SVIL: variants seen among roughly 807,000 people sequenced by gnomAD.
SVIL encodes the protein supervillin.
In SVIL, 101 loss-of-function variants were observed where a neutral mutation model predicts 240.4. The ratio of observed to expected loss-of-function variants is 0.42; its 90% CI spans 0.36 to 0.50. SVIL has a LOEUF of 0.50. SVIL is among the 20% of genes least tolerant of loss of function. The pLI, the probability that SVIL is intolerant of heterozygous loss-of-function variation, is 0.01. For synonymous variants in SVIL, 999 were observed against 1,100.0 expected (o/e 0.91, Z 1.82); for missense variants, 2,512 against 2,818.7 (o/e 0.89, Z 2.46).
At chr10:29,534,250 C>T (rs1951586318) in intron 7 of SVIL, among the ~76,000 whole-genome samples, 3 of 152,216 alleles carry the variant, frequency 2.0e-5, no homozygotes, top group African/African-American at 7.2e-5. Context: ...TGCCTGTGAT[C>T]ACAACCTTTT....
At chr10:29,542,373 C>T (rs1952237882) in intron 6 of SVIL, among the ~76,000 whole-genome samples, 1 of 152,172 alleles carries the variant, frequency 6.6e-6, no homozygotes, top group Admixed American at 6.5e-5. Context: ...TAAAGTAATG[C>T]TATCGCTGCA....
chr10:29,586,306 CAAAT>C (rs1003912302), intron 1 of SVIL, among the ~76,000 whole-genome samples: 1 of 152,080 alleles, frequency 6.6e-6, no homozygotes, highest in African/African-American at 2.4e-5. Flanking sequence ...TTTTAATTGA[CAAAT>C]AATAAATGTA....
At chr10:29,462,201 C>T (rs1944338457) in intron 36 of SVIL, 76 bp downstream of exon 36, 2 of 1,509,068 alleles carry the variant, frequency 1.3e-6, no homozygotes, top group Non-Finnish European at 1.8e-6. Flanking sequence ...CAATTGGATG[C>T]TCTCCCCAAA....
chr10:29,478,924 CAAAAAAAA>C lies in SVIL; in HGVS notation c.5377+1605_5377+1612del, dbSNP rs71020791. ...TGGAAGACAGAGTGAAACCCTGTCT[CAAAAAAAA>C]AAAAAAAAAAAAAAAAAAGAACAAA... On this transcript the variant is annotated intron_variant, in intron 29 of 37. Coordinates refer to ENST00000355867, the MANE Select transcript of SVIL (RefSeq NM_021738.3). Among the ~76,000 whole-genome samples, 354 of 63,046 alleles carry C rather than the reference CAAAAAAAA, an allele frequency of 5.6e-3. 1 individual carries two copies. The highest frequency in any genetic ancestry group is 9.3e-3 in the Middle Eastern group (1 of 108). The allele number at this position is 63,046 out of a possible 152,430, so 41.4% of individuals were successfully genotyped here.
intron 3 of SVIL, among the ~76,000 whole-genome samples, chr10:29,646,271 A>C (rs757188094): frequency 1.1e-4 from 16 of 152,144 alleles, no homozygotes; most frequent in Non-Finnish European, 1.5e-5. Flanking sequence ...GCTGTTCCAC[A>C]TGCCTGAATT....
chr10:29,702,725 G>T (rs1962614678), intron 1 of SVIL, among the ~76,000 whole-genome samples: 1 of 152,158 alleles, frequency 6.6e-6, no homozygotes, highest in African/African-American at 2.4e-5. Context: ...TGATGACTTT[G>T]AATTATCTGT....
At chr10:29,713,996 T>C (rs1343533622) in intron 1 of SVIL, among the ~76,000 whole-genome samples, 3 of 152,184 alleles carry the variant, frequency 2.0e-5, no homozygotes, top group Non-Finnish European at 4.4e-5. Context: ...AAGCACCCAA[T>C]CAATGATATC....
intron 1 of SVIL, among the ~76,000 whole-genome samples, chr10:29,600,478 A>G (rs1158378194): frequency 6.6e-6 from 1 of 152,148 alleles, no homozygotes; most frequent in Non-Finnish European, 1.5e-5. Context: ...CAGGTGAATC[A>G]GCGTGCAGCC....
chr10:29,732,020 C>T (rs566344149), intron 1 of SVIL, among the ~76,000 whole-genome samples: 6 of 152,240 alleles, frequency 3.9e-5, no homozygotes, highest in African/African-American at 1.4e-4. Context: ...GCAGCGGCTT[C>T]TTTCTTTCCA....
At chr10:29,606,849 T>TGTTCAAGCAGTTCTCCTGC (rs1490815993) in intron 1 of SVIL, among the ~76,000 whole-genome samples, 2 of 152,150 alleles carry the variant, frequency 1.3e-5, no homozygotes, top group South Asian at 4.2e-4. Flanking sequence ...CTGCCTCCTG[T>TGTTCAAGCAGTTCTCCTGC]GTTCAAGCAG....
chr10:29,597,178 G>C (rs1956626234), intron 1 of SVIL, among the ~76,000 whole-genome samples: 1 of 152,180 alleles, frequency 6.6e-6, no homozygotes, highest in African/African-American at 2.4e-5. Flanking sequence ...CGCGTTAAGA[G>C]ACAAAATGGC....
intron 1 of SVIL, among the ~76,000 whole-genome samples, chr10:29,699,767 A>G (rs1190198996): frequency 6.6e-6 from 1 of 152,236 alleles, no homozygotes; most frequent in Non-Finnish European, 1.5e-5. Context: ...TCTCCAGCCA[A>G]GAGTGTGGAA....
intron 34 of SVIL, 82 bp from the exon 35 acceptor site, chr10:29,463,717 T>A: frequency 6.5e-7 from 1 of 1,546,398 alleles, no homozygotes; most frequent in South Asian, 1.2e-5. Flanking sequence ...ACCTAGTGGA[T>A]GTTGTCCCTC....
intron 1 of SVIL, among the ~76,000 whole-genome samples, chr10:29,598,394 A>T (rs1485993889): frequency 6.6e-6 from 1 of 152,234 alleles, no homozygotes; most frequent in Non-Finnish European, 1.5e-5. Flanking sequence ...TTTTACCACA[A>T]TAAAAAAAAT....
intron 6 of SVIL, among the ~76,000 whole-genome samples, chr10:29,544,572 T>G (rs900360410): frequency 6.6e-6 from 1 of 151,220 alleles, no homozygotes; most frequent in Non-Finnish European, 1.5e-5. Flanking sequence ...CTGGGCAACA[T>G]TGTGAAACCC....
rs953229791 is a variant in SVIL at position 29,524,839 on chromosome 10, G to A, written c.2343-124C>T. 64 of 1,458,312 alleles carry A rather than the reference G, an allele frequency of 4.4e-5. No individual in the cohort carries two copies. The African/African-American group carries it at 6.3e-4, about 14-fold the overall frequency. The allele number at this position is 1,458,312 out of a possible 1,614,324, so 90.3% of individuals were successfully genotyped here. A position where few individuals can be genotyped will look rare whatever the true frequency, so the allele number is the denominator to read the frequency against. On this transcript the variant is annotated intron_variant, in intron 13 of 37. Coordinates refer to ENST00000355867, the MANE Select transcript of SVIL (RefSeq NM_021738.3). ...AAAGGGCTTCTTTTTCCCTAAGCAC[G>A]TCTAGGACAGAGGCAGGCAGCTGTT...
At chr10:29,675,236 A>G (rs527453994) in intron 2 of SVIL, among the ~76,000 whole-genome samples, 49 of 152,242 alleles carry the variant, frequency 3.2e-4, no homozygotes, top group African/African-American at 1.1e-3. Flanking sequence ...ACAATGGCTC[A>G]TGTTTGTAAT....
chr10:29,703,290 G>T (rs893021993), intron 1 of SVIL, among the ~76,000 whole-genome samples: 1 of 152,180 alleles, frequency 6.6e-6, no homozygotes, highest in African/African-American at 2.4e-5. Flanking sequence ...ATCACCGTGA[G>T]GGTGAAACGC....
In SVIL at chr10:29,532,092, C is replaced by A; in HGVS notation, c.1919G>T (p.Arg640Ile). 1 of 1,614,086 alleles carries A rather than the reference C, an allele frequency of 6.2e-7. No homozygotes were observed. Among genetic ancestry groups the A allele is most frequent in the South Asian group, 1.1e-5 (1 of 91,078 alleles). The part of the protein sequence containing the change: ...VERERGSRKP[R>I]RYFSPGESRK... The stretch of plus-strand genomic sequence containing the variant: ...ACTTTCACCAGGAGAAAAATAGCGT[C>A]TTGGTTTCCGGGACCCTCTCTCCCG... The change falls in exon 9 of 38, where the codon AGA (arginine) becomes ATA (isoleucine). Residue 640 changes from arginine to isoleucine, a missense_variant. By Grantham distance (97) the Arg-to-Ile change is moderately conservative. This residue lies in a region of SVIL where 1,443 missense variants were observed against 1,486.6 expected (regional missense o/e 0.97). Transcript: ENST00000355867.
Sources: gnomAD v4.1 joint callset for allele counts (sites outside exome capture counted in the v4.1 genomes callset) on GRCh38, gnomAD v4.1.1 for gene constraint, gnomAD v4.1.1 regional missense constraint, MANE v1.5 for transcripts, NCBI Gene and HGNC (gene_info 2026-07-23, HGNC 2026-07-21) for gene names.